PTPN9: variants seen among roughly 807,000 people sequenced by gnomAD.
The protein encoded by PTPN9 is protein tyrosine phosphatase non-receptor type 9, also known as tyrosine-protein phosphatase non-receptor type 9.
PTPN9 carries 26 observed loss-of-function variants against 69.8 expected under a neutral mutation model. The observed-to-expected ratio is 0.37, with a 90% CI of 0.27 to 0.52. PTPN9 has a LOEUF of 0.52. Among genes scored for constraint, PTPN9 ranks in the 20% least tolerant of loss-of-function variants. The pLI is 0.91. For missense variants in PTPN9, 549 were observed against 740.3 expected (o/e 0.74, Z 3.00); for synonymous variants, 274 against 272.5 (o/e 1.01, Z -0.05).
intron 8 of PTPN9, among the ~76,000 whole-genome samples, chr15:75,488,860 A>C (rs921729170): frequency 6.6e-6 from 1 of 151,528 alleles, no homozygotes; most frequent in African/African-American, 2.4e-5. Context: ...GGGATGCATA[A>C]GATGCAGGAT....
Position 75,578,680 on chromosome 15 carries a change from A to C in PTPN9, c.63+34T>G, listed in dbSNP as rs2075184945. 3 of 1,357,592 alleles carry C rather than the reference A, an allele frequency of 2.2e-6. No homozygotes were observed. In the African/African-American group the frequency reaches 4.6e-5, roughly 21 times the overall value. 84.1% of individuals were successfully genotyped at this position (1,357,592 alleles called of 1,614,324 possible). ...GCCGGCGTAGGCCTCGGGGGCCCGG[A>C]CACACCCAACGCGGCGGCCTCGGGC... On this transcript the variant is annotated intron_variant, in intron 1 of 12. Coordinates refer to ENST00000618819, the MANE Select transcript of PTPN9 (RefSeq NM_002833.4).
chr15:75,538,165 T>C (rs1401251307), intron 1 of PTPN9, among the ~76,000 whole-genome samples: 1 of 152,014 alleles, frequency 6.6e-6, no homozygotes, highest in Non-Finnish European at 1.5e-5. Flanking sequence ...TGGTTTAACA[T>C]CAGGAGATCT....
At chr15:75,532,587 C>A (rs886827535) in intron 1 of PTPN9, among the ~76,000 whole-genome samples, 2 of 152,120 alleles carry the variant, frequency 1.3e-5, no homozygotes, top group African/African-American at 4.8e-5. Flanking sequence ...GACCTCTGTC[C>A]CCCTGCTGGT....
chr15:75,558,147 G>A (rs764881687), intron 1 of PTPN9, among the ~76,000 whole-genome samples: 8 of 152,264 alleles, frequency 5.3e-5, no homozygotes, highest in Admixed American at 2.0e-4. Flanking sequence ...GGCCAACATG[G>A]TAAAACACTG....
intron 8 of PTPN9, among the ~76,000 whole-genome samples, chr15:75,488,465 T>A (rs1479240129): frequency 6.6e-6 from 1 of 151,816 alleles, no homozygotes; most frequent in African/African-American, 2.4e-5. Context: ...CATCTCAAAA[T>A]TCTAAGGTTG....
chr15:75,561,166 T>C (rs1351366444), intron 1 of PTPN9, among the ~76,000 whole-genome samples: 1 of 141,918 alleles, frequency 7.0e-6, no homozygotes, highest in Non-Finnish European at 1.5e-5. Flanking sequence ...AAATACAAAA[T>C]TAGCCCGGCA....
At chr15:75,500,340 T>C (rs1239229512) in intron 7 of PTPN9, among the ~76,000 whole-genome samples, 3 of 134,356 alleles carry the variant, frequency 2.2e-5, no homozygotes, top group East Asian at 4.3e-4. Flanking sequence ...TAAACAAACA[T>C]ACATACACAC....
chr15:75,573,565 T>C (rs572716549), intron 1 of PTPN9, among the ~76,000 whole-genome samples: 5 of 152,332 alleles, frequency 3.3e-5, no homozygotes, highest in African/African-American at 1.2e-4. Context: ...TATATTGCCA[T>C]TTGATGGGGA....
At chr15:75,530,592 T>TTATTATATTATAATATACTATAATATA (rs2074953580) in intron 1 of PTPN9, among the ~76,000 whole-genome samples, 2 of 80,580 alleles carry the variant, frequency 2.5e-5, no homozygotes, top group Non-Finnish European at 4.4e-5. Context: ...ATAATATATA[T>TTATTATATTATAATATACTATAATATA]TATTATATTA....
intron 1 of PTPN9, among the ~76,000 whole-genome samples, chr15:75,527,710 G>T (rs1187431553): frequency 6.6e-6 from 1 of 152,018 alleles, no homozygotes. Context: ...TACAAAACTA[G>T]CCGGATGTGG....
intron 7 of PTPN9, among the ~76,000 whole-genome samples, chr15:75,503,930 C>T (rs1268625263): frequency 1.1e-4 from 13 of 114,606 alleles, no homozygotes; most frequent in African/African-American, 4.6e-4. Flanking sequence ...CCCGGCCAGC[C>T]GCCCCGTCCG....
intron 1 of PTPN9, among the ~76,000 whole-genome samples, chr15:75,571,840 T>G (rs2075149779): frequency 6.6e-6 from 1 of 151,864 alleles, no homozygotes; most frequent in Non-Finnish European, 1.5e-5. Flanking sequence ...GTTGTGCCAT[T>G]GTGCTCCAGC....
intron 7 of PTPN9, among the ~76,000 whole-genome samples, chr15:75,496,230 T>C (rs1447207275): frequency 6.7e-6 from 1 of 150,298 alleles, no homozygotes; most frequent in Non-Finnish European, 1.5e-5. Context: ...GAGGCCAGGA[T>C]TTTGAGACCA....
chr15:75,521,204 G>C (rs1277183045), intron 4 of PTPN9, among the ~76,000 whole-genome samples: 2 of 150,016 alleles, frequency 1.3e-5, no homozygotes, highest in African/African-American at 4.9e-5. Flanking sequence ...CCAACACTTT[G>C]GGAGGCTGAG....
chr15:75,466,459 C>T lies in PTPN9; in HGVS notation c.*2310G>A, dbSNP rs1450127590. 1 of 152,172 alleles carries T rather than the reference C, an allele frequency of 6.6e-6. No individual in the cohort carries two copies. The highest frequency in any genetic ancestry group is 2.4e-5 in the African/African-American group (1 of 41,418). The allele number at this position is 152,172 out of a possible 1,614,324, so 9.4% of individuals were successfully genotyped here. A position where few individuals can be genotyped will look rare whatever the true frequency, so the allele number is the denominator to read the frequency against. On this transcript the variant is annotated 3_prime_UTR_variant, in exon 13 of 13. Transcript: ENST00000618819. ...ATGCAAATGACTCAAGATCTTCTCA[C>T]AAAGACCATGTACCCATAGATATGG...
chr15:75,572,920 G>A (rs1257234355), intron 1 of PTPN9, among the ~76,000 whole-genome samples: 2 of 152,050 alleles, frequency 1.3e-5, no homozygotes, highest in Non-Finnish European at 2.9e-5. Flanking sequence ...TGTTTCCTCT[G>A]GCAATACACA....
intron 1 of PTPN9, among the ~76,000 whole-genome samples, chr15:75,573,275 T>C (rs564526985): frequency 6.6e-5 from 10 of 152,334 alleles, no homozygotes; most frequent in African/African-American, 2.4e-4. Flanking sequence ...ATTAATTGCA[T>C]GTGAAATGCC....
chr15:75,526,563 C>T (rs537888285), intron 2 of PTPN9, among the ~76,000 whole-genome samples: 2 of 151,972 alleles, frequency 1.3e-5, no homozygotes, highest in Non-Finnish European at 2.9e-5. Flanking sequence ...AAGCACAAAA[C>T]CAAAGTCTAT....
intron 1 of PTPN9, among the ~76,000 whole-genome samples, chr15:75,537,769 A>AAAAAAAAAAAAAAAAAAAAAAAAC: frequency 7.7e-6 from 1 of 130,528 alleles, no homozygotes; most frequent in Non-Finnish European, 1.6e-5. Flanking sequence ...AAAAAAAAAA[A>AAAAAAAAAAAAAAAAAAAAAAAAC]AAAAAAAGGC....
Sources: gnomAD v4.1 joint callset for allele counts (sites outside exome capture counted in the v4.1 genomes callset) on GRCh38, gnomAD v4.1.1 for gene constraint, MANE v1.5 for transcripts, NCBI Gene and HGNC (gene_info 2026-07-23, HGNC 2026-07-21) for gene names.